The following SNX31 variants were observed in gnomAD, a reference collection of about 807,000 sequenced individuals.
SNX31 encodes the protein sorting nexin-31.
In SNX31, 58 loss-of-function variants were observed where a neutral mutation model predicts 65.4. That is an observed-to-expected ratio of 0.89 (90% CI 0.72 to 1.10). SNX31 has a LOEUF of 1.10. Ranked by LOEUF, SNX31 falls within the 50% of genes least tolerant of loss-of-function variation. The pLI is 0.00. For synonymous variants in SNX31, 181 were observed against 190.1 expected (o/e 0.95, Z 0.39); for missense variants, 523 against 529.7 (o/e 0.99, Z 0.12).
At chr8:100,599,895 A>T (rs1815460849) in intron 9 of SNX31, among the ~76,000 whole-genome samples, 1 of 152,184 alleles carries the variant, frequency 6.6e-6, no homozygotes, top group South Asian at 2.1e-4. Context: ...ATGTTCAGGG[A>T]CTTCAGCCAG....
At chr8:100,621,974 T>C (rs1817729853) in intron 4 of SNX31, among the ~76,000 whole-genome samples, 1 of 152,214 alleles carries the variant, frequency 6.6e-6, no homozygotes, top group Non-Finnish European at 1.5e-5. Context: ...AAAGTCAATG[T>C]AGAGAAGAGC....
At chr8:100,647,906 C>T (rs1366579211) in intron 2 of SNX31, among the ~76,000 whole-genome samples, 1 of 152,216 alleles carries the variant, frequency 6.6e-6, no homozygotes. Flanking sequence ...GTGTTTCAGT[C>T]ACAAGTAGCT....
At chr8:100,659,288 G>GT (rs1809729851) in intron 1 of SNX31, among the ~76,000 whole-genome samples, 2 of 148,488 alleles carry the variant, frequency 1.3e-5, no homozygotes, top group African/African-American at 2.5e-5. Flanking sequence ...GGAGGTTGCA[G>GT]GAGCTGAGAT....
chr8:100,661,057 G>C (rs1319016568), intron 1 of SNX31, among the ~76,000 whole-genome samples: 1 of 147,282 alleles, frequency 6.8e-6, no homozygotes, highest in African/African-American at 2.6e-5. Flanking sequence ...CCAGGCTGGA[G>C]TGCAGTGGCG....
chr8:100,626,783 TA>T lies in SNX31; in HGVS notation c.321+3543del, dbSNP rs1357141058. ...AATTACATCATTAAGCAGATGAAAATAAAAAGAAGGTGTTTCTGAATGAAGA... is the reference window on the plus strand; with the variant it reads ...AATTACATCATTAAGCAGATGAAAATAAAAGAAGGTGTTTCTGAATGAAGA... On this transcript the variant is annotated intron_variant, in intron 4 of 13. Transcript: ENST00000311812. The surrounding 1 kb of genome is among the most constrained non-coding windows in gnomAD (Gnocchi z 4.4). Among the ~76,000 whole-genome samples, 2 of 151,500 alleles carry T rather than the reference TA, an allele frequency of 1.3e-5. No homozygotes were observed. The highest frequency in any genetic ancestry group is 2.1e-4 in the South Asian group (1 of 4,814).
At position 100,594,449 on chromosome 8, in the gene SNX31, T is replaced by C. The variant is rs998181863; in HGVS notation, c.978+2190A>G. On this transcript the variant is annotated intron_variant, in intron 10 of 13. Transcript: ENST00000311812. This position sits in a 1 kb window ranked among gnomAD's most constrained non-coding sequence, Gnocchi z 4.0. Reference sequence around the variant, plus strand: ...ATAAAGAACTCTCAACACTCAACAGTAAAAAGCCAAACAATCCAATTCAAA... The same window carrying C: ...ATAAAGAACTCTCAACACTCAACAGCAAAAAGCCAAACAATCCAATTCAAA... 6.6e-6 allele frequency among the ~76,000 whole-genome samples: 1 copy of C among 151,858 alleles called. No homozygotes were observed. The highest frequency in any genetic ancestry group is 6.6e-5 in the Admixed American group (1 of 15,248).
intron 4 of SNX31, chr8:100,619,143 C>T (rs1351574960): frequency 6.6e-6 from 1 of 152,192 alleles, no homozygotes; most frequent in Non-Finnish European, 1.5e-5. Flanking sequence ...AGCATAAACT[C>T]AGGCAATGTT....
intron 4 of SNX31, chr8:100,618,600 TC>T: frequency 1.9e-6 from 1 of 536,738 alleles, no homozygotes; most frequent in African/African-American, 1.9e-5. Context: ...TACCCACATT[TC>T]TGCCCAGCTG....
intron 9 of SNX31, 60 bp downstream of exon 9, chr8:100,600,289 T>C: frequency 7.0e-7 from 1 of 1,424,548 alleles, no homozygotes; most frequent in Non-Finnish European, 9.9e-7. Context: ...ACAGTTCAAT[T>C]CTAATATGTT....
At chr8:100,592,562 G>C (rs1464677366) in intron 10 of SNX31, among the ~76,000 whole-genome samples, 2 of 152,124 alleles carry the variant, frequency 1.3e-5, no homozygotes, top group African/African-American at 2.4e-5. Context: ...AACTAGGCTG[G>C]CAGTTCCTCA....
chr8:100,636,820 C>T (rs947206986), intron 2 of SNX31, among the ~76,000 whole-genome samples: 8 of 152,130 alleles, frequency 5.3e-5, no homozygotes, highest in African/African-American at 7.2e-5. Flanking sequence ...CTCCTGGGTT[C>T]GAGCAATTCT....
intron 1 of SNX31, among the ~76,000 whole-genome samples, chr8:100,654,811 G>A (rs1587112932): frequency 6.6e-6 from 1 of 152,172 alleles, no homozygotes; most frequent in Non-Finnish European, 1.5e-5. Context: ...TCAGGAGTTC[G>A]AGACCAGCCT....
intron 12 of SNX31, among the ~76,000 whole-genome samples, chr8:100,580,888 A>G (rs1813436102): frequency 6.6e-6 from 1 of 152,202 alleles, no homozygotes; most frequent in Non-Finnish European, 1.5e-5. Flanking sequence ...ATCCTTTATA[A>G]TTCTGCTCTA....
rs1210835869 is a variant in SNX31 at position 100,594,473 on chromosome 8, A to C, written c.978+2166T>G. Among the ~76,000 whole-genome samples the C allele has an allele frequency of 1.3e-5, 2 of 152,256 alleles. No homozygotes were observed. Among genetic ancestry groups the C allele is most frequent in the African/African-American group, 4.8e-5 (2 of 41,468 alleles). On this transcript the variant is annotated intron_variant, in intron 10 of 13. Transcript: ENST00000311812. The surrounding 1 kb of genome is among the most constrained non-coding windows in gnomAD (Gnocchi z 4.0). Reference sequence around the variant, plus strand: ...GTAAAAAGCCAAACAATCCAATTCAAAAATGGGTAAAAGATATGAGAAGAC... The same window carrying C: ...GTAAAAAGCCAAACAATCCAATTCACAAATGGGTAAAAGATATGAGAAGAC...
chr8:100,654,935 C>T (rs1820033317), intron 1 of SNX31, among the ~76,000 whole-genome samples: 1 of 152,158 alleles, frequency 6.6e-6, no homozygotes, highest in Non-Finnish European at 1.5e-5. Flanking sequence ...ATTGCCTGAA[C>T]CCAGGAGGCA....
intron 2 of SNX31, among the ~76,000 whole-genome samples, chr8:100,639,303 T>C (rs1818993886): frequency 6.6e-6 from 1 of 152,208 alleles, no homozygotes; most frequent in Non-Finnish European, 1.5e-5. Flanking sequence ...ACCAACTCAC[T>C]GAACGTGGTG....
At chr8:100,597,866 T>C (rs890745549) in intron 9 of SNX31, among the ~76,000 whole-genome samples, 24 of 152,226 alleles carry the variant, frequency 1.6e-4, no homozygotes, top group Non-Finnish European at 3.4e-4. Context: ...AATGATTGCA[T>C]TTAAATAAGC....
chr8:100,659,850 A>C (rs927179814), intron 1 of SNX31, among the ~76,000 whole-genome samples: 1 of 152,132 alleles, frequency 6.6e-6, no homozygotes, highest in Non-Finnish European at 1.5e-5. Flanking sequence ...CTTTCAAGAC[A>C]TACAGTTTTA....
chr8:100,638,852 G>A (rs12679124), intron 2 of SNX31, among the ~76,000 whole-genome samples: 72,404 of 151,856 alleles, frequency 0.48, 17,502 homozygotes, highest in African/African-American at 0.55. Flanking sequence ...CCATACAATG[G>A]AATGTGTTAT....
Sources: gnomAD v4.1 joint callset for allele counts (sites outside exome capture counted in the v4.1 genomes callset) on GRCh38, gnomAD v4.1.1 for gene constraint, Gnocchi (gnomAD v3.1) non-coding constraint, MANE v1.5 for transcripts, NCBI Gene and HGNC (gene_info 2026-07-23, HGNC 2026-07-21) for gene names.